ZNF385D: variants seen among roughly 807,000 people sequenced by gnomAD.
ZNF385D encodes zinc finger protein 385D.
A neutral mutation model predicts 35.8 loss-of-function variants in ZNF385D; 15 were observed. The ratio of observed to expected loss-of-function variants is 0.42; its 90% CI spans 0.28 to 0.64. ZNF385D has a LOEUF of 0.64. ZNF385D is among the 30% of genes least tolerant of loss of function. The pLI, the probability that ZNF385D is intolerant of heterozygous loss-of-function variation, is 0.23. For missense variants in ZNF385D, 474 were observed against 494.6 expected, an observed-to-expected ratio of 0.96 and a Z score of 0.39; for synonymous variants, 212 against 186.8, an observed-to-expected ratio of 1.13 and a Z score of -1.10.
intron 3 of ZNF385D, among the ~76,000 whole-genome samples, chr3:21,771,302 A>T (rs2071069032): frequency 1.3e-5 from 2 of 151,860 alleles, no homozygotes; most frequent in African/African-American, 4.8e-5. Context: ...TGGCACAGGC[A>T]CAGCCTAAAA....
intron 3 of ZNF385D, among the ~76,000 whole-genome samples, chr3:22,003,229 G>T (rs1309885779): frequency 4.6e-5 from 7 of 152,132 alleles, no homozygotes; most frequent in African/African-American, 1.7e-4. Flanking sequence ...CAGCTAACTT[G>T]CAGGATACAA....
At chr3:21,940,586 T>C (rs570620854) in intron 3 of ZNF385D, among the ~76,000 whole-genome samples, 22 of 152,284 alleles carry the variant, frequency 1.4e-4, no homozygotes, top group African/African-American at 5.3e-4. Context: ...AGAACAAACC[T>C]AGTCTATATG....
intron 3 of ZNF385D, among the ~76,000 whole-genome samples, chr3:22,076,557 A>C (rs1361623227): frequency 6.6e-6 from 1 of 151,934 alleles, no homozygotes; most frequent in Non-Finnish European, 1.5e-5. Flanking sequence ...ATATAATCAC[A>C]AACTACAATT....
At chr3:22,309,317 A>G (rs188170444) in intron 2 of ZNF385D, among the ~76,000 whole-genome samples, 5 of 152,108 alleles carry the variant, frequency 3.3e-5, no homozygotes, top group African/African-American at 1.2e-4. Flanking sequence ...TACAGTTAAA[A>G]CTTTAATTAT....
chr3:21,618,829 C>A (rs2064922162), intron 2 of ZNF385D, among the ~76,000 whole-genome samples: 1 of 152,134 alleles, frequency 6.6e-6, no homozygotes, highest in Admixed American at 6.5e-5. Context: ...TGCTTTTAAT[C>A]ACTTCTAGTC....
intron 1 of ZNF385D, among the ~76,000 whole-genome samples, chr3:21,688,343 T>C (rs1237788601): frequency 6.6e-6 from 1 of 152,162 alleles, no homozygotes; most frequent in Non-Finnish European, 1.5e-5. Context: ...CATTGGTCAT[T>C]ATTGGTATGT....
At chr3:22,060,187 G>A (rs767375369) in intron 3 of ZNF385D, among the ~76,000 whole-genome samples, 5 of 152,088 alleles carry the variant, frequency 3.3e-5, no homozygotes, top group Admixed American at 1.3e-4. Flanking sequence ...TGGCTTTCTT[G>A]AGTCTCTAGC....
At chr3:21,630,777 A>G (rs1210013723) in intron 2 of ZNF385D, among the ~76,000 whole-genome samples, 1 of 152,150 alleles carries the variant, frequency 6.6e-6, no homozygotes, top group East Asian at 1.9e-4. Flanking sequence ...AATATCCATC[A>G]CTAATATCTA....
chr3:21,770,761 A>G (rs1439338562), intron 3 of ZNF385D, among the ~76,000 whole-genome samples: 2 of 152,170 alleles, frequency 1.3e-5, no homozygotes, highest in Non-Finnish European at 2.9e-5. Flanking sequence ...ATGATTATAA[A>G]TCATGCTGCT....
At chr3:22,127,134 C>T (rs914586170) in intron 3 of ZNF385D, among the ~76,000 whole-genome samples, 4 of 151,812 alleles carry the variant, frequency 2.6e-5, no homozygotes, top group African/African-American at 9.7e-5. Context: ...CATTCAGTCA[C>T]TGTTTTTGAT....
At position 21,456,214 on chromosome 3, in the gene ZNF385D, G is replaced by C. The variant is rs375346883; in HGVS notation, c.440-19011C>G. The stretch of plus-strand genomic sequence containing the variant: ...GGATCTAGAACTAGAAATACCATTT[G>C]ACCCAGCCATCCCATTACTGGGTAT... On this transcript the variant is annotated intron_variant, in intron 4 of 7. Transcript: ENST00000281523. 4.5e-4 allele frequency among the ~76,000 whole-genome samples: 69 copies of C among 152,266 alleles called. No individual in the cohort carries two copies. In the East Asian group the frequency reaches 0.011, roughly 24 times the overall value.
chr3:21,533,492 G>A (rs2061971311), intron 3 of ZNF385D, among the ~76,000 whole-genome samples: 1 of 152,050 alleles, frequency 6.6e-6, no homozygotes, highest in African/African-American at 2.4e-5. Flanking sequence ...TTTGGTGAAT[G>A]TCGATGGCAT....
At chr3:21,490,747 C>A (rs1455158652) in intron 4 of ZNF385D, among the ~76,000 whole-genome samples, 4 of 150,766 alleles carry the variant, frequency 2.7e-5, no homozygotes, top group African/African-American at 9.8e-5. Context: ...GTTTGAAAGG[C>A]CAGCACTTGG....
intron 2 of ZNF385D, among the ~76,000 whole-genome samples, chr3:22,244,950 G>C (rs1559475553): frequency 6.6e-6 from 1 of 151,980 alleles, no homozygotes; most frequent in Non-Finnish European, 1.5e-5. Context: ...GAGGAGCTGT[G>C]GCCTTGGCAT....
intron 3 of ZNF385D, among the ~76,000 whole-genome samples, chr3:21,975,702 AATATATATATATATATATAT>A (rs56303677): frequency 0.021 from 2,582 of 123,850 alleles, 64 homozygotes; most frequent in South Asian, 0.03. Flanking sequence ...GTACCCACGA[AATATATATATATATATATAT>A]ATATATATAT....
chr3:22,140,092 T>G (rs956951782), intron 3 of ZNF385D, among the ~76,000 whole-genome samples: 29 of 152,198 alleles, frequency 1.9e-4, no homozygotes, highest in African/African-American at 6.8e-4. Flanking sequence ...ATCAATTTCA[T>G]TCCTAAATAT....
intron 2 of ZNF385D, among the ~76,000 whole-genome samples, chr3:21,588,569 AAAC>A (rs1226775505): frequency 6.6e-6 from 1 of 152,116 alleles, no homozygotes; most frequent in Non-Finnish European, 1.5e-5. Context: ...ATTAAAGAAA[AAAC>A]TAAGACGTAC....
intron 2 of ZNF385D, among the ~76,000 whole-genome samples, chr3:22,227,640 G>A (rs1056357777): frequency 3.3e-5 from 5 of 152,124 alleles, no homozygotes; most frequent in East Asian, 3.9e-4. Context: ...TGATGGCAGG[G>A]AAGAGATGAA....
chr3:22,037,290 G>C (rs895813405), intron 3 of ZNF385D, among the ~76,000 whole-genome samples: 1 of 137,000 alleles, frequency 7.3e-6, no homozygotes, highest in Admixed American at 7.8e-5. Context: ...TCACCACACT[G>C]TCTTCCACAA....
Sources: gnomAD v4.1 joint callset for allele counts (sites outside exome capture counted in the v4.1 genomes callset) on GRCh38, gnomAD v4.1.1 for gene constraint, MANE v1.5 for transcripts, NCBI Gene and HGNC (gene_info 2026-07-23, HGNC 2026-07-21) for gene names.